PI4K2B: variants seen among roughly 807,000 people sequenced by gnomAD.
The protein encoded by PI4K2B is phosphatidylinositol 4-kinase type 2-beta.
In PI4K2B, 46 loss-of-function variants were observed where a neutral mutation model predicts 56.6. The observed-to-expected ratio is 0.81, with a 90% confidence interval of 0.64 to 1.04. The LOEUF (loss-of-function observed/expected upper bound fraction) is 1.04, where lower values mean the gene tolerates loss of function less well. PI4K2B is among the 50% of genes least tolerant of loss of function. The pLI, the probability that PI4K2B is intolerant of heterozygous loss-of-function variation, is 0.00. For synonymous variants in PI4K2B, 211 were observed against 223.8 expected, an observed-to-expected ratio of 0.94 and a Z score of 0.51; for missense variants, 556 against 607.7, an observed-to-expected ratio of 0.91 and a Z score of 0.89.
At chr4:25,247,122 A>T (rs577052670) in intron 1 of PI4K2B, among the ~76,000 whole-genome samples, 1 of 152,244 alleles carries the variant, frequency 6.6e-6, no homozygotes, top group Non-Finnish European at 1.5e-5. Context: ...ACCTAGGCCA[A>T]GGAGGTGTGG....
At chr4:25,247,136 G>A (rs1440970940) in intron 1 of PI4K2B, among the ~76,000 whole-genome samples, 2 of 152,252 alleles carry the variant, frequency 1.3e-5, no homozygotes, top group Non-Finnish European at 2.9e-5. Context: ...GGTGTGGTGA[G>A]TGAGCAAGGG....
chr4:25,270,620 A>G (rs1716850977), intron 9 of PI4K2B, among the ~76,000 whole-genome samples: 1 of 152,136 alleles, frequency 6.6e-6, no homozygotes, highest in Non-Finnish European at 1.5e-5. Context: ...TGCTAGGATT[A>G]CAGGTGTGTG....
At chr4:25,239,167 C>T (rs1192162843) in intron 1 of PI4K2B, among the ~76,000 whole-genome samples, 3 of 152,234 alleles carry the variant, frequency 2.0e-5, no homozygotes, top group Non-Finnish European at 4.4e-5. Flanking sequence ...CTCAGGAGTC[C>T]AGCTGGCTTC....
intron 9 of PI4K2B, among the ~76,000 whole-genome samples, chr4:25,275,037 C>G (rs1384873722): frequency 6.6e-6 from 1 of 152,168 alleles, no homozygotes; most frequent in Admixed American, 6.5e-5. Context: ...CTCCTGGCCT[C>G]AAGTGATCCA....
At chr4:25,262,448 A>G (rs1340226590) in intron 6 of PI4K2B, among the ~76,000 whole-genome samples, 3 of 152,208 alleles carry the variant, frequency 2.0e-5, no homozygotes, top group African/African-American at 7.2e-5. Context: ...TGCTCTAAGT[A>G]TTTTGTGCAC....
chr4:25,246,577 C>A (rs920792087), intron 1 of PI4K2B, among the ~76,000 whole-genome samples: 1 of 152,266 alleles, frequency 6.6e-6, no homozygotes, highest in Non-Finnish European at 1.5e-5. Flanking sequence ...GGATCCCACA[C>A]TGGGGCCACA....
At chr4:25,253,865 G>A (rs60781591) in intron 2 of PI4K2B, among the ~76,000 whole-genome samples, 11,280 of 152,178 alleles carry the variant, frequency 0.074, 478 homozygotes, top group South Asian at 0.13. Context: ...TCCACCTCCC[G>A]GGTTCAAGCG....
chr4:25,241,250 C>T (rs1715509229), intron 1 of PI4K2B, among the ~76,000 whole-genome samples: 1 of 152,222 alleles, frequency 6.6e-6, no homozygotes. Flanking sequence ...GCCACTAGTT[C>T]TGCTAACTGG....
rs374157136 is a variant in PI4K2B, at chr4:25,239,540, A to C, written c.268+5109A>C. Among the ~76,000 whole-genome samples the C allele has an allele frequency of 1.7e-3, 102 of 60,268 alleles. 3 individuals carry two copies. Among genetic ancestry groups the C allele is most frequent in the Admixed American group, 0.017 (90 of 5,406 alleles). 39.5% of individuals were successfully genotyped at this position (60,268 alleles called of 152,430 possible). Reference sequence around the variant, plus strand: ...AGCCGCTCCGACTGCGGAACCTGCCAAGCCCATGCCCACCCGGAACTCGCG... The same window carrying C: ...AGCCGCTCCGACTGCGGAACCTGCCCAGCCCATGCCCACCCGGAACTCGCG... On this transcript the variant is annotated intron_variant, in intron 1 of 9. Transcript: ENST00000264864.
rs751029224 is a variant in PI4K2B, at chr4:25,277,432, G to T, written c.*245G>T. 20 of 304,702 alleles carry T rather than the reference G, an allele frequency of 6.6e-5. No individual in the cohort carries two copies. Among genetic ancestry groups the T allele is most frequent in the Non-Finnish European group, 1.1e-4 (18 of 167,880 alleles). 18.9% of individuals were successfully genotyped at this position (304,702 alleles called of 1,614,324 possible). A position where few individuals can be genotyped will look rare whatever the true frequency, so the allele number is the denominator to read the frequency against. On this transcript the variant is annotated 3_prime_UTR_variant, in exon 10 of 10. Coordinates refer to ENST00000264864, the MANE Select transcript of PI4K2B (RefSeq NM_018323.4). ...TAGAAAATTTGTATTTTATGTTGTT[G>T]TTAGTTTAAAAGGTAATTTTACACA... is the stretch of plus-strand genomic sequence containing the variant.
At position 25,278,668 on chromosome 4, in the gene PI4K2B, A is replaced by G. The variant is rs1717193155; in HGVS notation, c.*1481A>G. 1 of 152,660 alleles carries G rather than the reference A, an allele frequency of 6.6e-6. No individual in the cohort carries two copies. The highest frequency in any genetic ancestry group is 6.5e-5 in the Admixed American group (1 of 15,274). 9.5% of individuals were successfully genotyped at this position (152,660 alleles called of 1,614,324 possible). On this transcript the variant is annotated 3_prime_UTR_variant, in exon 10 of 10. Transcript: ENST00000264864. ...TTTGAGATAATGGAAAATTGACTGGAAATTCAAAACTCAAACTACTATCTT... is the reference window on the plus strand; with the variant it reads ...TTTGAGATAATGGAAAATTGACTGGGAATTCAAAACTCAAACTACTATCTT...
At chr4:25,275,664 CA>C (rs1717065796) in intron 9 of PI4K2B, among the ~76,000 whole-genome samples, 1 of 148,962 alleles carries the variant, frequency 6.7e-6, no homozygotes, top group African/African-American at 2.5e-5. Context: ...GTCTCAAAAA[CA>C]AAACAAAACA....
intron 6 of PI4K2B, among the ~76,000 whole-genome samples, chr4:25,262,701 G>A (rs569598093): frequency 4.6e-5 from 7 of 151,600 alleles, no homozygotes; most frequent in Non-Finnish European, 1.0e-4. Context: ...CCAAAAATAC[G>A]AAGTTAACAT....
At chr4:25,237,727 C>G (rs1715327069) in intron 1 of PI4K2B, among the ~76,000 whole-genome samples, 1 of 152,148 alleles carries the variant, frequency 6.6e-6, no homozygotes, top group Non-Finnish European at 1.5e-5. Context: ...AATCCTAACA[C>G]TTTGGGAGGC....
chr4:25,255,185 C>G lies in PI4K2B; in HGVS notation c.544C>G (p.Pro182Ala). The G allele has an allele frequency of 6.2e-7, 1 of 1,613,832 alleles. No individual in the cohort carries two copies. The highest frequency in any genetic ancestry group is 8.5e-7 in the Non-Finnish European group (1 of 1,179,734). Residue 182 changes from proline to alanine, a missense_variant, in exon 3 of 10, where the codon CCT becomes GCT. Transcript: ENST00000264864. ...CTGCTTTGGCCGAGGCTGCCTGATT[C>G]CTAATCAGGGGTACCTTTCCGAAGC... ...PCCFGRGCLIPNQGYLSEAGA... is the reference protein window; with the variant it reads ...PCCFGRGCLIANQGYLSEAGA...
In PI4K2B at chr4:25,255,087, C is replaced by T; in HGVS notation, c.446C>T (p.Pro149Leu). 1 of 1,613,134 alleles carries T rather than the reference C, an allele frequency of 6.2e-7. No individual in the cohort carries two copies. Among genetic ancestry groups the T allele is most frequent in the Non-Finnish European group, 8.5e-7 (1 of 1,179,342 alleles). ...TAGAAAATTATTGGTGTGTTTAAACCCAAATCAGAAGAGCCTTATGGTCAA... is the reference window on the plus strand; with the variant it reads ...TAGAAAATTATTGGTGTGTTTAAACTCAAATCAGAAGAGCCTTATGGTCAA... ...PKRKIIGVFK[P>L]KSEEPYGQLN... Residue 149 changes from proline (P) to leucine (L), a missense_variant, in exon 3 of 10, where the codon CCC becomes CTC. By Grantham distance (98) the Pro-to-Leu change is moderately conservative. Transcript: ENST00000264864.
chr4:25,266,772 A>T (rs2109022438), intron 7 of PI4K2B, among the ~76,000 whole-genome samples: 1 of 151,882 alleles, frequency 6.6e-6, no homozygotes, highest in South Asian at 2.1e-4. Flanking sequence ...GTTTTCTGGG[A>T]TATGAGAGAG....
chr4:25,248,795 T>C (rs313563), intron 1 of PI4K2B, among the ~76,000 whole-genome samples: 33,258 of 151,868 alleles, frequency 0.22, 3,828 homozygotes, highest in South Asian at 0.35. Context: ...GGAAAATCTT[T>C]TATTTTTATT....
chr4:25,275,786 G>T (rs1717071315), intron 9 of PI4K2B, among the ~76,000 whole-genome samples: 1 of 152,114 alleles, frequency 6.6e-6, no homozygotes, highest in South Asian at 2.1e-4. Flanking sequence ...TGTGTTAAAT[G>T]CTCCAAATAT....
Sources: allele counts gnomAD v4.1 joint callset (sites outside exome capture counted in the v4.1 genomes callset), GRCh38; gene constraint gnomAD v4.1.1; transcripts MANE v1.5; gene names NCBI Gene and HGNC (gene_info 2026-07-23, HGNC 2026-07-21).